Variants in MYOM3 observed in about 807,000 individuals in gnomAD.
MYOM3 encodes the protein myomesin-3.
MYOM3 carries 155 observed loss-of-function variants against 191.7 expected under a neutral mutation model. The observed-to-expected ratio is 0.81, with a 90% CI of 0.71 to 0.92. MYOM3 has a LOEUF of 0.92. MYOM3 is among the 40% of genes least tolerant of loss of function. The pLI is 0.00. For missense variants in MYOM3, 1,889 were observed against 1,890.6 expected (o/e 1.00, Z 0.02); for synonymous variants, 757 against 762.9 (o/e 0.99, Z 0.13).
chr1:24,080,911 G>T (rs926027983), intron 19 of MYOM3, among the ~76,000 whole-genome samples: 1 of 152,210 alleles, frequency 6.6e-6, no homozygotes, highest in Non-Finnish European at 1.5e-5. Context: ...GGAGCAGTGG[G>T]TAGGGTGGCC....
chr1:24,072,066 G>T (rs150712319), intron 23 of MYOM3, 53 bp from the exon 24 acceptor site: 5 of 1,576,074 alleles, frequency 3.2e-6, no homozygotes, highest in Non-Finnish European at 4.4e-6. Context: ...TATCCTGGTC[G>T]GGGGTGGGGG....
At position 24,069,615 on chromosome 1, in the gene MYOM3, C is replaced by CT. The variant is rs66925187; in HGVS notation, c.3151-1249dup. On this transcript the variant is annotated intron_variant, in intron 25 of 36. Transcript: ENST00000374434. Reference sequence around the variant, plus strand: ...TTTTCTTTTCTTTCTTTCTTTCTTTCTTTTTTTTTTTTGAGACAGAGTCTC... The same window carrying CT: ...TTTTCTTTTCTTTCTTTCTTTCTTTCTTTTTTTTTTTTTGAGACAGAGTCTC... Among the ~76,000 whole-genome samples the CT allele has an allele frequency of 2.0e-3, 270 of 138,170 alleles. 2 individuals carry two copies. The South Asian group carries it at 0.026, about 13-fold the overall frequency. The allele number at this position is 138,170 out of a possible 152,430, so 90.6% of individuals were successfully genotyped here. A position where few individuals can be genotyped will look rare whatever the true frequency, so the allele number is the denominator to read the frequency against.
chr1:24,094,843 G>A lies in MYOM3; in HGVS notation c.928+10C>T, dbSNP rs1041679782. On this transcript the variant is annotated intron_variant, in intron 9 of 36. Transcript: ENST00000374434. ...TCTGGAGGCTGGGGGCCAGGACTGG[G>A]GGTCCTTACCATCTCGGAACCACTG... is the stretch of plus-strand genomic sequence containing the variant. 1.1e-5 allele frequency: 17 copies of A among 1,607,974 alleles called. No homozygotes were observed. The highest frequency in any genetic ancestry group is 1.4e-5 in the Non-Finnish European group (17 of 1,176,666).
intron 29 of MYOM3, among the ~76,000 whole-genome samples, chr1:24,064,549 A>T (rs1327795887): frequency 6.6e-6 from 1 of 151,716 alleles, no homozygotes; most frequent in African/African-American, 2.4e-5. Flanking sequence ...GGATGGAGGG[A>T]CCCCCACCAC....
rs74061488 is a variant in MYOM3, at chr1:24,093,531, G to C, written c.929-423C>G. Among the ~76,000 whole-genome samples the C allele has an allele frequency of 2.2e-3, 330 of 152,078 alleles. 3 individuals carry two copies. The highest frequency in any genetic ancestry group is 7.1e-3 in the African/African-American group (293 of 41,486). On this transcript the variant is annotated intron_variant, in intron 9 of 36. Transcript: ENST00000374434. The stretch of plus-strand genomic sequence containing the variant: ...GTCTCACTGAGAGAGCTGGGGCCTC[G>C]GTGAGGCGGGTGGAGGACGTGTCGT...
intron 16 of MYOM3, 41 bp downstream of exon 16, chr1:24,084,427 T>C (rs1211622783): frequency 7.5e-6 from 12 of 1,603,934 alleles, no homozygotes; most frequent in African/African-American, 1.3e-5. Flanking sequence ...TATGTCTTTA[T>C]AGCAGTGTGA....
intron 11 of MYOM3, 140 bp downstream of exon 11, chr1:24,092,034 G>T: frequency 1.3e-6 from 1 of 748,932 alleles, no homozygotes; most frequent in Non-Finnish European, 1.9e-6. Context: ...ACACAGCACA[G>T]CCTGTCTCCT....
chr1:24,063,283 A>G lies in MYOM3; in HGVS notation c.3662-49T>C. 1 of 1,534,538 alleles carries G rather than the reference A, an allele frequency of 6.5e-7. No homozygotes were observed. Among genetic ancestry groups the G allele is most frequent in the Non-Finnish European group, 9.0e-7 (1 of 1,108,848 alleles). ...GAATCTTCCCTGAGGCCATTTAGGC[A>G]TCAGATTTTGGGGCCGGCTTGTCTG... On this transcript the variant is annotated intron_variant, in intron 31 of 36. Transcript: ENST00000374434. The surrounding 1 kb of genome is among the most constrained non-coding windows in gnomAD (Gnocchi z 4.5).
At chr1:24,072,070 G>T in intron 23 of MYOM3, 57 bp from the exon 24 acceptor site, 2 of 1,574,452 alleles carry the variant, frequency 1.3e-6, no homozygotes, top group Non-Finnish European at 1.7e-6. Flanking sequence ...CTGGTCGGGG[G>T]TGGGGGGCCC....
rs1644037661 is a variant in MYOM3 at position 24,111,465 on chromosome 1, C to T, written c.-19+566G>A. Among the ~76,000 whole-genome samples, 1 of 152,220 alleles carries T rather than the reference C, an allele frequency of 6.6e-6. No individual in the cohort carries two copies. The highest frequency in any genetic ancestry group is 6.5e-5 in the Admixed American group (1 of 15,284). On this transcript the variant is annotated intron_variant, in intron 1 of 36. Coordinates refer to ENST00000374434, the MANE Select transcript of MYOM3 (RefSeq NM_152372.4). The surrounding 1 kb of genome is among the most constrained non-coding windows in gnomAD (Gnocchi z 4.7). Reference sequence around the variant, plus strand: ...ACGTGTTCTTAGCCAGTGGCTCCACCAGCTTCCGCGAGGCCGAATCCTGCC... The same window carrying T: ...ACGTGTTCTTAGCCAGTGGCTCCACTAGCTTCCGCGAGGCCGAATCCTGCC...
At chr1:24,075,499 G>A (rs893311886) in intron 21 of MYOM3, 24 bp from the exon 22 acceptor site, 2 of 1,536,344 alleles carry the variant, frequency 1.3e-6, no homozygotes, top group South Asian at 2.6e-5. Flanking sequence ...CCAACAGAGG[G>A]CAGCGGATGT....
chr1:24,093,096 C>T lies in MYOM3; in HGVS notation c.941G>A (p.Arg314Lys), dbSNP rs750091371. 1 of 1,608,958 alleles carries T rather than the reference C, an allele frequency of 6.2e-7. No homozygotes were observed. Among genetic ancestry groups the T allele is most frequent in the South Asian group, 1.1e-5 (1 of 90,924 alleles). The part of the protein sequence containing the change: ...IQWFRDGSLL[R>K]SSRRRKILYT... ...GAGGATCTTCCGACGTCTCGAGGACCTCAGTAGGCTCCCTGTGGAGGGGAA... is the reference window on the plus strand; with the variant it reads ...GAGGATCTTCCGACGTCTCGAGGACTTCAGTAGGCTCCCTGTGGAGGGGAA... The change falls in exon 10 of 37, where the codon AGG becomes AAG. Residue 314 changes from arginine (R) to lysine (K), a missense_variant. Arg to Lys is a conservative substitution (Grantham distance 26). Coordinates refer to ENST00000374434, the MANE Select transcript of MYOM3 (RefSeq NM_152372.4).
chr1:24,066,595 C>T, intron 28 of MYOM3: 1 of 357,612 alleles, frequency 2.8e-6, no homozygotes, highest in Non-Finnish European at 5.0e-6. Flanking sequence ...TGAGCTATTT[C>T]TCCATTTGTT....
Position 24,062,039 on chromosome 1 carries a change from G to T in MYOM3, c.3841C>A (p.Leu1281Met), listed in dbSNP as rs1228725065. 1 of 1,614,192 alleles carries T rather than the reference G, an allele frequency of 6.2e-7. No individual in the cohort carries two copies. The highest frequency in any genetic ancestry group is 2.2e-5 in the East Asian group (1 of 44,884). The change falls in exon 33 of 37, where the codon CTG becomes ATG. Residue 1281 changes from leucine (L) to methionine (M), a missense_variant. Leu to Met is a conservative substitution (Grantham distance 15). Transcript: ENST00000374434. ...CCCTTGTCTGAGTCTTTGGGGTCCA[G>T]GATGTGAAGCCAGATCTCATCCAGG... ...TTLDEIWLHILDPKDSDKGKY... is the reference protein window; with the variant it reads ...TTLDEIWLHIMDPKDSDKGKY...
At chr1:24,094,458 C>A (rs59967604) in intron 9 of MYOM3, among the ~76,000 whole-genome samples, 2 of 152,078 alleles carry the variant, frequency 1.3e-5, no homozygotes, top group African/African-American at 4.8e-5. Flanking sequence ...TGAGCCACCA[C>A]GCCTGGCCTC....
At position 24,087,123 on chromosome 1, in the gene MYOM3, T is replaced by G. The variant is rs539255917; in HGVS notation, c.1615-296A>C. On this transcript the variant is annotated intron_variant, in intron 14 of 36. Transcript: ENST00000374434. The surrounding 1 kb of genome is among the most constrained non-coding windows in gnomAD (Gnocchi z 4.5). ...TCGGGTGAAACCCCTGGAGCCACCC[T>G]TGGCCCTTCCTCTCTTTGTCTCATG... 6.6e-6 allele frequency among the ~76,000 whole-genome samples: 1 copy of G among 152,294 alleles called. No individual in the cohort carries two copies. The highest frequency in any genetic ancestry group is 2.4e-5 in the African/African-American group (1 of 41,568).
chr1:24,102,131 C>G (rs1050023443), intron 5 of MYOM3, among the ~76,000 whole-genome samples: 1 of 152,202 alleles, frequency 6.6e-6, no homozygotes, highest in African/African-American at 2.4e-5. Context: ...CCAGCCTCAG[C>G]CTGCATCCTT....
intron 12 of MYOM3, 126 bp from the exon 13 acceptor site, chr1:24,090,244 A>G (rs1643799980): frequency 1.3e-6 from 1 of 748,644 alleles, no homozygotes; most frequent in Non-Finnish European, 2.3e-6. Context: ...TCGCTGTGCA[A>G]CCTCAGACAG....
chr1:24,106,589 T>C (rs936190224), intron 4 of MYOM3, among the ~76,000 whole-genome samples: 2 of 152,190 alleles, frequency 1.3e-5, no homozygotes, highest in African/African-American at 4.8e-5. Flanking sequence ...ATTTTTATTA[T>C]TATTATTTTT....
Sources: allele counts gnomAD v4.1 joint callset (sites outside exome capture counted in the v4.1 genomes callset), GRCh38; gene constraint gnomAD v4.1.1; non-coding constraint Gnocchi (gnomAD v3.1); transcripts MANE v1.5; gene names NCBI Gene and HGNC (gene_info 2026-07-23, HGNC 2026-07-21).